Variants in MAMDC2 observed in about 807,000 individuals in gnomAD.
MAMDC2 encodes MAM domain-containing protein 2.
MAMDC2 carries 57 observed loss-of-function variants against 89.8 expected under a neutral mutation model. The observed-to-expected ratio is 0.63, with a 90% CI of 0.51 to 0.79. The LOEUF (loss-of-function observed/expected upper bound fraction) is 0.79. Among genes scored for constraint, MAMDC2 ranks in the 30% least tolerant of loss-of-function variants. The probability of loss-of-function intolerance (pLI) is 0.00; values close to 1 mark genes in which losing one functional copy is unlikely to be tolerated. For missense variants in MAMDC2, 800 were observed against 820.6 expected, an observed-to-expected ratio of 0.97 and a Z score of 0.31; for synonymous variants, 313 against 293.4, an observed-to-expected ratio of 1.07 and a Z score of -0.68.
chr9:70,100,266 A>G (rs1489505747), intron 2 of MAMDC2, among the ~76,000 whole-genome samples: 2 of 152,212 alleles, frequency 1.3e-5, no homozygotes, highest in African/African-American at 4.8e-5. Context: ...AGTGAGTTTC[A>G]GATAATATAA....
At chr9:70,190,389 C>G (rs921044044) in intron 11 of MAMDC2, among the ~76,000 whole-genome samples, 1 of 152,088 alleles carries the variant, frequency 6.6e-6, no homozygotes, top group Non-Finnish European at 1.5e-5. Context: ...AGAGATTTTC[C>G]TTAAATGCCT....
intron 2 of MAMDC2, among the ~76,000 whole-genome samples, chr9:70,070,992 T>G (rs1827392885): frequency 6.6e-6 from 1 of 152,168 alleles, no homozygotes; most frequent in South Asian, 2.1e-4. Context: ...CAATGGTCAT[T>G]TATTTATACT....
chr9:70,075,139 A>C (rs796494320), intron 2 of MAMDC2, among the ~76,000 whole-genome samples: 1 of 152,240 alleles, frequency 6.6e-6, no homozygotes, highest in Non-Finnish European at 1.5e-5. Context: ...CCTAGTTTAC[A>C]GACAAAACAA....
At chr9:70,210,434 A>C (rs1437870111) in intron 11 of MAMDC2, among the ~76,000 whole-genome samples, 1 of 152,160 alleles carries the variant, frequency 6.6e-6, no homozygotes, top group Non-Finnish European at 1.5e-5. Context: ...AGTCTGTTTT[A>C]TCGAAGACTA....
intron 11 of MAMDC2, among the ~76,000 whole-genome samples, chr9:70,192,609 T>G (rs545861072): frequency 6.6e-6 from 1 of 152,246 alleles, no homozygotes; most frequent in South Asian, 2.1e-4. Context: ...GACCATGGAA[T>G]TTTCTACTTC....
chr9:70,076,012 G>A (rs956074179), intron 2 of MAMDC2, among the ~76,000 whole-genome samples: 10 of 152,242 alleles, frequency 6.6e-5, no homozygotes, highest in African/African-American at 2.4e-4. Flanking sequence ...AAAATGTCCA[G>A]TGACGTTACA....
rs1300006107 is a variant in MAMDC2, at chr9:70,108,193, G to A, written c.149-18G>A. On this transcript the variant is annotated intron_variant, in intron 2 of 13. Coordinates refer to ENST00000377182, the MANE Select transcript of MAMDC2 (RefSeq NM_153267.5). ...AAACAAAAATTGATCCTTTTCCTATGTTCCTTTCTCTTTCCAGGCCATTAC... is the reference window on the plus strand; with the variant it reads ...AAACAAAAATTGATCCTTTTCCTATATTCCTTTCTCTTTCCAGGCCATTAC... The A allele has an allele frequency of 1.3e-6, 2 of 1,537,038 alleles. No homozygotes were observed. Among genetic ancestry groups the A allele is most frequent in the Admixed American group, 2.2e-5 (1 of 45,864 alleles).
At chr9:70,100,006 GA>G (rs1828133477) in intron 2 of MAMDC2, among the ~76,000 whole-genome samples, 1 of 133,442 alleles carries the variant, frequency 7.5e-6, no homozygotes, top group Non-Finnish European at 1.5e-5. Context: ...GAGAGAGAGA[GA>G]GAGAGAGAGA....
At chr9:70,117,876 A>G (rs2118298686) in intron 5 of MAMDC2, among the ~76,000 whole-genome samples, 1 of 152,334 alleles carries the variant, frequency 6.6e-6, no homozygotes, top group Admixed American at 6.5e-5. Flanking sequence ...TTATCTGAAT[A>G]CCAAAATGCT....
chr9:70,204,113 C>G, intron 11 of MAMDC2, among the ~76,000 whole-genome samples: 1 of 152,086 alleles, frequency 6.6e-6, no homozygotes, highest in Non-Finnish European at 1.5e-5. Context: ...CTGCGTTCCT[C>G]TGGAGGAGGA....
intron 11 of MAMDC2, among the ~76,000 whole-genome samples, chr9:70,193,790 T>C (rs1219496496): frequency 6.6e-6 from 1 of 152,116 alleles, no homozygotes; most frequent in African/African-American, 2.4e-5. Context: ...TGCGGTGCAC[T>C]CTGGGACTTT....
chr9:70,191,884 G>T (rs2032888070), intron 11 of MAMDC2, among the ~76,000 whole-genome samples: 1 of 152,060 alleles, frequency 6.6e-6, no homozygotes, highest in South Asian at 2.1e-4. Context: ...CGTAATTTAA[G>T]AATTTCACAA....
chr9:70,185,202 T>A (rs1243689204), intron 11 of MAMDC2, among the ~76,000 whole-genome samples: 2 of 152,202 alleles, frequency 1.3e-5, no homozygotes, highest in Non-Finnish European at 1.5e-5. Context: ...CTGGGCATCA[T>A]CATTGGAGGC....
At chr9:70,046,859 G>A (rs1477284410) in intron 2 of MAMDC2, among the ~76,000 whole-genome samples, 1 of 152,184 alleles carries the variant, frequency 6.6e-6, no homozygotes, top group Non-Finnish European at 1.5e-5. Context: ...TTAGGCTCCA[G>A]TTGTTCCAGC....
chr9:70,145,226 C>T (rs1389210941), intron 9 of MAMDC2, among the ~76,000 whole-genome samples: 1 of 152,144 alleles, frequency 6.6e-6, no homozygotes, highest in African/African-American at 2.4e-5. Context: ...AGTCTTTGAT[C>T]ACCTAACTAA....
intron 11 of MAMDC2, among the ~76,000 whole-genome samples, chr9:70,200,199 T>A (rs2033072321): frequency 6.6e-6 from 1 of 152,030 alleles, no homozygotes; most frequent in Admixed American, 6.6e-5. Context: ...AACGTTTAAA[T>A]CTTTAATCCA....
intron 5 of MAMDC2, among the ~76,000 whole-genome samples, chr9:70,117,039 A>G (rs533811312): frequency 2.6e-5 from 4 of 152,294 alleles, no homozygotes; most frequent in South Asian, 4.1e-4. Context: ...CTGAGGGCTG[A>G]AGGGAGGAAG....
At chr9:70,058,986 C>G (rs748658672) in intron 2 of MAMDC2, among the ~76,000 whole-genome samples, 1 of 152,194 alleles carries the variant, frequency 6.6e-6, no homozygotes, top group African/African-American at 2.4e-5. Context: ...AGGATCCCCA[C>G]GACTGACCTA....
At chr9:70,185,533 G>C (rs1587552557) in intron 11 of MAMDC2, among the ~76,000 whole-genome samples, 1 of 152,322 alleles carries the variant, frequency 6.6e-6, no homozygotes, top group Non-Finnish European at 1.5e-5. Flanking sequence ...GTCCCAGGGA[G>C]ATGGGAATTT....
Sources: allele counts gnomAD v4.1 joint callset (sites outside exome capture counted in the v4.1 genomes callset), GRCh38; gene constraint gnomAD v4.1.1; transcripts MANE v1.5; gene names NCBI Gene and HGNC (gene_info 2026-07-23, HGNC 2026-07-21).